The following AKAP12 variants were observed in gnomAD, a reference collection of about 807,000 sequenced individuals.
AKAP12 encodes the protein A-kinase anchoring protein 12, also known as A-kinase anchor protein 12.
In AKAP12, 32 loss-of-function variants were observed where a neutral mutation model predicts 79.9. The observed-to-expected ratio is 0.40, with a 90% CI of 0.30 to 0.54. The LOEUF (loss-of-function observed/expected upper bound fraction) is 0.54. Ranked by LOEUF, AKAP12 falls within the 20% of genes least tolerant of loss-of-function variation. AKAP12 has a pLI of 0.48. For synonymous variants in AKAP12, 808 were observed against 857.0 expected (o/e 0.94, Z 1.00); for missense variants, 2,074 against 2,177.0 (o/e 0.95, Z 0.94).
chr6:151,330,935 G>A (rs886390730), intron 3 of AKAP12, among the ~76,000 whole-genome samples: 11 of 152,098 alleles, frequency 7.2e-5, no homozygotes, highest in African/African-American at 1.9e-4. Flanking sequence ...ATCATGGAGC[G>A]TTTGCAGCTT....
chr6:151,329,250 G>A (rs1425386216), intron 3 of AKAP12, among the ~76,000 whole-genome samples: 2 of 152,042 alleles, frequency 1.3e-5, no homozygotes, highest in Non-Finnish European at 2.9e-5. Context: ...CAAGCAGCTG[G>A]GATTACAGGC....
chr6:151,347,972 C>A (rs1450178124), intron 3 of AKAP12, among the ~76,000 whole-genome samples: 1 of 151,626 alleles, frequency 6.6e-6, no homozygotes, highest in Non-Finnish European at 1.5e-5. Context: ...AAGATCGAGA[C>A]CATTCTGGCT....
At chr6:151,251,435 T>C (rs907351365) in intron 2 of AKAP12, among the ~76,000 whole-genome samples, 3 of 152,114 alleles carry the variant, frequency 2.0e-5, no homozygotes, top group African/African-American at 7.2e-5. Context: ...TTTCACAGTG[T>C]GGTAGTGACA....
intron 2 of AKAP12, among the ~76,000 whole-genome samples, chr6:151,252,754 A>AG (rs1491444841): frequency 4.6e-5 from 7 of 150,870 alleles, no homozygotes; most frequent in Admixed American, 1.3e-4. Flanking sequence ...AAAAAAAAAA[A>AG]GATGAGAAAA....
chr6:151,326,033 C>T, intron 3 of AKAP12: 1 of 1,111,606 alleles, frequency 9.0e-7, no homozygotes, highest in Non-Finnish European at 1.3e-6. Context: ...TCTCCGTGTA[C>T]TGAGTTTTTC....
At chr6:151,285,932 A>C (rs2485545) in intron 2 of AKAP12, among the ~76,000 whole-genome samples, 137,927 of 151,470 alleles carry the variant, frequency 0.91, 63,154 homozygotes, top group East Asian at 0.99. Context: ...GGCTGGAGTG[A>C]AATGGCGCAA....
At chr6:151,249,468 T>C (rs528386513) in intron 2 of AKAP12, among the ~76,000 whole-genome samples, 346 of 152,346 alleles carry the variant, frequency 2.3e-3, no homozygotes, top group Non-Finnish European at 3.1e-3. Context: ...GTGAGCCACC[T>C]ACGCCTGGCC....
chr6:151,294,110 A>T (rs577597506), intron 2 of AKAP12, among the ~76,000 whole-genome samples: 1 of 152,130 alleles, frequency 6.6e-6, no homozygotes, highest in Non-Finnish European at 1.5e-5. Context: ...AGTAGCTGGG[A>T]CTACAGGCGA....
chr6:151,303,587 A>G (rs928581658), intron 2 of AKAP12, among the ~76,000 whole-genome samples: 2 of 152,206 alleles, frequency 1.3e-5, no homozygotes, highest in African/African-American at 4.8e-5. Context: ...TTCAGGGTCT[A>G]AGTCAGTGGT....
At chr6:151,341,359 G>C (rs1033328544) in intron 3 of AKAP12, among the ~76,000 whole-genome samples, 22 of 152,110 alleles carry the variant, frequency 1.4e-4, no homozygotes, top group Non-Finnish European at 2.9e-4. Context: ...AGGCCTCGAG[G>C]CCCTTTTTCT....
At chr6:151,339,802 C>T (rs1777902430) in intron 3 of AKAP12, among the ~76,000 whole-genome samples, 1 of 152,148 alleles carries the variant, frequency 6.6e-6, no homozygotes, top group Non-Finnish European at 1.5e-5. Context: ...AAAGTTTTGT[C>T]TTTTTCAGAA....
chr6:151,315,830 G>A (rs939501678), intron 3 of AKAP12, among the ~76,000 whole-genome samples: 2 of 141,274 alleles, frequency 1.4e-5, no homozygotes, highest in Non-Finnish European at 3.1e-5. Flanking sequence ...GGCGGAAGGG[G>A]AAGCAAACAC....
Position 151,240,479 on chromosome 6 carries a change from G to T in AKAP12, c.-84G>T. The T allele has an allele frequency of 7.7e-7, 1 of 1,306,542 alleles. No homozygotes were observed. Among genetic ancestry groups the T allele is most frequent in the Non-Finnish European group, 9.7e-7 (1 of 1,026,234 alleles). The allele number at this position is 1,306,542 out of a possible 1,614,324, so 80.9% of individuals were successfully genotyped here. On this transcript the variant is annotated 5_prime_UTR_variant, in exon 2 of 5. Coordinates refer to ENST00000402676, the MANE Select transcript of AKAP12 (RefSeq NM_005100.4). ...GGCGCTCTCGGGACCTCGCGGGCGC[G>T]CGTCTTTTGGCTCTTGCCCCTGTCC...
intron 2 of AKAP12, among the ~76,000 whole-genome samples, chr6:151,273,158 C>G (rs2786749): frequency 2.0e-5 from 3 of 152,056 alleles, no homozygotes; most frequent in African/African-American, 7.2e-5. Context: ...CCGCCTGCCT[C>G]GGCCTCCCAA....
chr6:151,258,760 C>T lies in AKAP12; in HGVS notation c.162+18036C>T, dbSNP rs1485039496. Among the ~76,000 whole-genome samples the T allele has an allele frequency of 2.0e-5, 3 of 151,530 alleles. 1 individual carries two copies. Among genetic ancestry groups the T allele is most frequent in the Non-Finnish European group, 4.4e-5 (3 of 67,934 alleles). On this transcript the variant is annotated intron_variant, in intron 2 of 4. Transcript: ENST00000402676. ...CCTCCTGCCTCAACCTCCTGAGTAG[C>T]TGGGCTTACAGGTGTGTGCTGCTAC...
At chr6:151,286,472 G>A (rs187347369) in intron 2 of AKAP12, among the ~76,000 whole-genome samples, 68 of 152,332 alleles carry the variant, frequency 4.5e-4, no homozygotes, top group Middle Eastern at 6.8e-3. Flanking sequence ...GCCAACCCTC[G>A]CTGGATGGGG....
At chr6:151,355,244 C>G (rs1778413261) in intron 4 of AKAP12, among the ~76,000 whole-genome samples, 1 of 151,908 alleles carries the variant, frequency 6.6e-6, no homozygotes, top group Non-Finnish European at 1.5e-5. Context: ...CCGCCTCGGC[C>G]TCCTAAAGTG....
At chr6:151,270,758 T>C (rs891252440) in intron 2 of AKAP12, among the ~76,000 whole-genome samples, 1 of 152,182 alleles carries the variant, frequency 6.6e-6, no homozygotes, top group African/African-American at 2.4e-5. Flanking sequence ...GGTTTTGATG[T>C]GCATTTCCCT....
rs558502756 is a variant in AKAP12, at chr6:151,268,945, GTTTTTTTT to G, written c.162+28248_162+28255del. Among the ~76,000 whole-genome samples the G allele has an allele frequency of 6.7e-3, 519 of 77,372 alleles. 4 individuals are homozygous for G. The highest frequency in any genetic ancestry group is 0.02 in the African/African-American group (393 of 19,688). 50.8% of individuals were successfully genotyped at this position (77,372 alleles called of 152,430 possible). ...AGGCATGAGCCACCGTGCTCGGCCTGTTTTTTTTTTTTTTTTTTTTTTTTTTTTTTTTT... is the reference window on the plus strand; with the variant it reads ...AGGCATGAGCCACCGTGCTCGGCCTGTTTTTTTTTTTTTTTTTTTTTTTTT... On this transcript the variant is annotated intron_variant, in intron 2 of 4. Transcript: ENST00000402676.
Sources: gnomAD v4.1 joint callset for allele counts (sites outside exome capture counted in the v4.1 genomes callset) on GRCh38, gnomAD v4.1.1 for gene constraint, MANE v1.5 for transcripts, NCBI Gene and HGNC (gene_info 2026-07-23, HGNC 2026-07-21) for gene names.